The following AKAP19 variants were observed in gnomAD, a reference collection of about 807,000 sequenced individuals.
AKAP19 encodes the protein small A-kinase anchoring protein.
At chr2:189,910,003 G>A in the AKAP19 span, among the ~76,000 whole-genome samples, 6 of 151,666 alleles carry the variant, frequency 4.0e-5, no homozygotes, top group African/African-American at 1.5e-4. Flanking sequence ...GCTTTAATTT[G>A]TGCTTGGATA....
At chr2:190,112,130 A>T in the AKAP19 span, among the ~76,000 whole-genome samples, 1 of 151,876 alleles carries the variant, frequency 6.6e-6, no homozygotes, top group African/African-American at 2.4e-5. Flanking sequence ...ATGTTTTAAA[A>T]TTTTTTCATA....
chr2:189,905,779 A>G, the AKAP19 span, among the ~76,000 whole-genome samples: 2 of 152,046 alleles, frequency 1.3e-5, no homozygotes, highest in Non-Finnish European at 2.9e-5. Flanking sequence ...TTTTAGGAAG[A>G]TAATTTTTAC....
the AKAP19 span, among the ~76,000 whole-genome samples, chr2:190,125,841 G>A: frequency 1.3e-5 from 2 of 151,926 alleles, no homozygotes; most frequent in African/African-American, 2.4e-5. Flanking sequence ...AAAACAGCAC[G>A]GCAATTCCCA....
the AKAP19 span, among the ~76,000 whole-genome samples, chr2:189,897,776 C>T: frequency 6.6e-5 from 10 of 152,306 alleles, 1 homozygote; most frequent in East Asian, 1.5e-3. Context: ...TCCAACTTCT[C>T]TTTGTTTTGA....
chr2:189,973,091 C>T, the AKAP19 span, among the ~76,000 whole-genome samples: 4 of 152,148 alleles, frequency 2.6e-5, no homozygotes, highest in African/African-American at 7.2e-5. Context: ...CCAGTTTTTG[C>T]CCATTCAGTA....
chr2:190,096,696 A>G, the AKAP19 span, among the ~76,000 whole-genome samples: 1 of 152,204 alleles, frequency 6.6e-6, no homozygotes, highest in East Asian at 1.9e-4. Context: ...ATCACAGATT[A>G]GATCATTTAT....
At chr2:189,912,929 T>C in the AKAP19 span, among the ~76,000 whole-genome samples, 3 of 152,182 alleles carry the variant, frequency 2.0e-5, no homozygotes, top group Non-Finnish European at 4.4e-5. Context: ...ACATAATAGC[T>C]TGGCTGAGGA....
the AKAP19 span, among the ~76,000 whole-genome samples, chr2:189,906,340 A>C: frequency 6.6e-6 from 1 of 152,124 alleles, no homozygotes; most frequent in Non-Finnish European, 1.5e-5. Flanking sequence ...ACAGAATATA[A>C]AAGGAGAAAA....
At chr2:189,893,590 A>G in the AKAP19 span, among the ~76,000 whole-genome samples, 1 of 152,122 alleles carries the variant, frequency 6.6e-6, no homozygotes, top group Non-Finnish European at 1.5e-5. Flanking sequence ...CGGGTACCTC[A>G]GTTGTAAATG....
chr2:189,881,868 C>T, the AKAP19 span, among the ~76,000 whole-genome samples: 15 of 152,162 alleles, frequency 9.9e-5, no homozygotes, highest in Middle Eastern at 3.2e-3. Flanking sequence ...TCTCCAGTTT[C>T]CCATTTTTAT....
At chr2:190,054,792 C>T in the AKAP19 span, among the ~76,000 whole-genome samples, 1 of 152,194 alleles carries the variant, frequency 6.6e-6, no homozygotes, top group Non-Finnish European at 1.5e-5. Context: ...CATCTCACAC[C>T]AGCTAGAATG....
chr2:189,938,671 C>T, the AKAP19 span, among the ~76,000 whole-genome samples: 1 of 151,926 alleles, frequency 6.6e-6, no homozygotes, highest in South Asian at 2.1e-4. Context: ...TGACTATAGT[C>T]AATAATAATT....
the AKAP19 span, among the ~76,000 whole-genome samples, chr2:190,032,284 T>C: frequency 1.3e-5 from 2 of 152,170 alleles, no homozygotes; most frequent in African/African-American, 4.8e-5. Context: ...ATATAAATCA[T>C]GCCAAAAATA....
the AKAP19 span, among the ~76,000 whole-genome samples, chr2:190,005,072 G>C: frequency 6.6e-6 from 1 of 152,168 alleles, no homozygotes; most frequent in African/African-American, 2.4e-5. Context: ...TTTCCTTCCA[G>C]TGAGTTCACT....
chr2:190,148,892 C>G, the AKAP19 span, among the ~76,000 whole-genome samples: 26 of 151,522 alleles, frequency 1.7e-4, no homozygotes, highest in East Asian at 5.0e-3. Context: ...TTTAGATTTT[C>G]CCTCTTCTTT....
At chr2:189,902,780 A>AT in the AKAP19 span, among the ~76,000 whole-genome samples, 199 of 149,666 alleles carry the variant, frequency 1.3e-3, no homozygotes, top group African/African-American at 4.2e-3. Flanking sequence ...TTCATGATTC[A>AT]TTTTTTTTTG....
chr2:190,175,713 T>TAA, the AKAP19 span, among the ~76,000 whole-genome samples: 1 of 152,160 alleles, frequency 6.6e-6, no homozygotes, highest in Admixed American at 6.5e-5. Context: ...ACATAATGAG[T>TAA]AAGACTACAA....
the AKAP19 span, among the ~76,000 whole-genome samples, chr2:190,073,112 C>T: frequency 1.3e-5 from 2 of 151,930 alleles, no homozygotes; most frequent in Non-Finnish European, 2.9e-5. Context: ...TGCACAAATA[C>T]TGTAAATTCA....
chr2:190,034,856 C>CAAAAAA, the AKAP19 span, among the ~76,000 whole-genome samples: 2 of 68,620 alleles, frequency 2.9e-5, no homozygotes, highest in African/African-American at 6.3e-5. Context: ...CCTGTCTCAC[C>CAAAAAA]AAAAAAAAAA....
Sources: allele counts gnomAD v4.1 joint callset (sites outside exome capture counted in the v4.1 genomes callset), GRCh38; gene constraint gnomAD v4.1.1; transcripts MANE v1.5; gene names NCBI Gene and HGNC (gene_info 2026-07-23, HGNC 2026-07-21).